TSEN15: variants seen among roughly 807,000 people sequenced by gnomAD.
TSEN15 encodes the protein tRNA-splicing endonuclease subunit Sen15.
Under a neutral mutation model 20.5 loss-of-function variants are expected in TSEN15, and 10 were observed. The ratio of observed to expected loss-of-function variants is 0.49; its 90% CI spans 0.30 to 0.83. TSEN15 has a LOEUF of 0.83. Among genes scored for constraint, TSEN15 ranks in the 40% least tolerant of loss-of-function variants. The pLI is 0.06. For missense variants in TSEN15, 180 were observed against 218.6 expected (o/e 0.82, Z 1.11); for synonymous variants, 72 against 80.1 (o/e 0.90, Z 0.54).
At chr1:184,074,388 C>A (rs1412495191), downstream of TSEN15, among the ~76,000 whole-genome samples, 1 of 152,140 alleles carries the variant, frequency 6.6e-6, no homozygotes, top group Non-Finnish European at 1.5e-5. Flanking sequence ...GGGCTCCAGT[C>A]TCATCTGAGA....
At chr1:184,064,053 G>T (rs1488994021) in intron 3 of TSEN15, among the ~76,000 whole-genome samples, 1 of 151,836 alleles carries the variant, frequency 6.6e-6, no homozygotes, top group East Asian at 1.9e-4. Flanking sequence ...TGGCTGCCTG[G>T]GCTCATCGGG....
intron 3 of TSEN15, among the ~76,000 whole-genome samples, chr1:184,062,107 AT>A (rs544615447): frequency 7.1e-4 from 108 of 152,298 alleles, no homozygotes; most frequent in Middle Eastern, 3.4e-3. Context: ...ATTTCTGATT[AT>A]CTAGTGGGAA....
Position 184,051,802 on chromosome 1 carries a change from TG to T in TSEN15, c.50del (p.Gly17ValfsTer31). The T allele has an allele frequency of 6.5e-7, 1 of 1,532,366 alleles. No homozygotes were observed. The allele number at this position is 1,532,366 out of a possible 1,614,324, so 94.9% of individuals were successfully genotyped here. ...GAGCCGACCCCCGGCTGCAGCGGCC[TG>T]GGTCCGGGCGGTGTTCGCGGCTTTG... Reference protein sequence around the residue: ...DSEPTPGCSGLGPGGVRGFGD... With the variant: ...DSEPTPGCSGXGPGGVRGFGD... On this transcript the variant is annotated frameshift_variant, in exon 1 of 5. Coordinates refer to ENST00000645668, the MANE Select transcript of TSEN15 (RefSeq NM_052965.4). LOFTEE classifies it high-confidence loss of function.
chr1:184,060,818 A>G (rs1650426501), intron 3 of TSEN15, among the ~76,000 whole-genome samples: 1 of 152,186 alleles, frequency 6.6e-6, no homozygotes, highest in Non-Finnish European at 1.5e-5. Context: ...CTCTTGCTTT[A>G]TTGGTTTTTA....
At chr1:184,091,776 C>A (rs960905902) in intron 3 of TSEN15, among the ~76,000 whole-genome samples, 1 of 152,166 alleles carries the variant, frequency 6.6e-6, no homozygotes, top group South Asian at 2.1e-4. Flanking sequence ...AGACAGCTAC[C>A]TGTCACCCAG....
chr1:184,054,685 G>A (rs772267422), intron 2 of TSEN15, 43 bp from the exon 3 acceptor site: 2 of 1,584,738 alleles, frequency 1.3e-6, no homozygotes, highest in Admixed American at 3.6e-5. Context: ...TTTATTTTTT[G>A]TATTTAATAA....
intron 3 of TSEN15, among the ~76,000 whole-genome samples, chr1:184,091,699 A>G (rs534051671): frequency 7.2e-5 from 11 of 152,230 alleles, no homozygotes; most frequent in African/African-American, 2.6e-4. Context: ...CAGAAAACAA[A>G]GAGCCCCTAG....
chr1:184,069,397 C>A (rs895499697), intron 3 of TSEN15, among the ~76,000 whole-genome samples: 1 of 151,962 alleles, frequency 6.6e-6, no homozygotes, highest in Non-Finnish European at 1.5e-5. Context: ...AGAATTTTAT[C>A]GTTTATTGTT....
At position 184,074,046 on chromosome 1, in the gene TSEN15, G is replaced by C. The variant is rs1471839246; in HGVS notation, c.*1199G>C. On this transcript the variant is annotated 3_prime_UTR_variant, in exon 5 of 5. Transcript: ENST00000645668. ...TTGCAAGACGGAAAAGTGTATAAGT[G>C]GGTGTAATCATGGCTGAAATAACAG... The C allele has an allele frequency of 6.6e-6, 1 of 152,124 alleles. No homozygotes were observed. The highest frequency in any genetic ancestry group is 1.5e-5 in the Non-Finnish European group (1 of 68,026). The allele number at this position is 152,124 out of a possible 1,614,324, so 9.4% of individuals were successfully genotyped here.
rs143212168 is a variant in TSEN15, at chr1:184,089,644, G to GA, written c.354-6043dup. ...GTAGATCTCATATTTAATAATAAAT[G>GA]AAATATCAAAATCATTCATGAGGGT... is the stretch of plus-strand genomic sequence containing the variant. On this transcript the variant is annotated intron_variant, in intron 3 of 3. Coordinates refer to the TSEN15 transcript ENST00000643231. 4.7e-3 allele frequency among the ~76,000 whole-genome samples: 718 copies of GA among 151,926 alleles called. 27 individuals carry two copies. The East Asian group carries it at 0.08, about 17-fold the overall frequency.
intron 3 of TSEN15, among the ~76,000 whole-genome samples, chr1:184,088,859 C>T (rs76541192): frequency 0.016 from 2,434 of 152,272 alleles, 31 homozygotes; most frequent in Non-Finnish European, 0.023. Context: ...TGAGACCCTT[C>T]CCTCTTTTAC....
chr1:184,059,728 G>A (rs1650377989), intron 3 of TSEN15, among the ~76,000 whole-genome samples: 1 of 152,066 alleles, frequency 6.6e-6, no homozygotes. Flanking sequence ...GCACTACCAT[G>A]CCCAACTAAT....
At chr1:184,085,836 G>A (rs1310582211) in intron 3 of TSEN15, among the ~76,000 whole-genome samples, 1 of 152,270 alleles carries the variant, frequency 6.6e-6, no homozygotes, top group East Asian at 1.9e-4. Context: ...GTCAAGTTCA[G>A]TACTAGTCAA....
intron 3 of TSEN15, among the ~76,000 whole-genome samples, chr1:184,083,751 A>T (rs1398066410): frequency 6.6e-6 from 1 of 152,190 alleles, no homozygotes; most frequent in East Asian, 1.9e-4. Context: ...AAATGAATAG[A>T]ATTCATCCAC....
intron 3 of TSEN15, among the ~76,000 whole-genome samples, chr1:184,091,176 G>T (rs1447932927): frequency 6.6e-6 from 1 of 152,092 alleles, no homozygotes; most frequent in East Asian, 1.9e-4. Flanking sequence ...CAGTCTCAAA[G>T]CACATGTATC....
chr1:184,089,971 G>T (rs1651330247), intron 3 of TSEN15, among the ~76,000 whole-genome samples: 1 of 152,176 alleles, frequency 6.6e-6, no homozygotes, highest in Non-Finnish European at 1.5e-5. Flanking sequence ...CCAGTAGAAT[G>T]GTTGCTGCCC....
chr1:184,085,375 T>C (rs933023816), intron 3 of TSEN15, among the ~76,000 whole-genome samples: 3 of 152,240 alleles, frequency 2.0e-5, no homozygotes, highest in African/African-American at 4.8e-5. Context: ...AAGGACCTTA[T>C]TTTGTTCCCT....
In TSEN15 at chr1:184,072,991, A is replaced by G; in HGVS notation, c.*144A>G. 1.4e-6 allele frequency: 1 copy of G among 737,476 alleles called. No homozygotes were observed. The highest frequency in any genetic ancestry group is 1.9e-5 in the South Asian group (1 of 52,096). 45.7% of individuals were successfully genotyped at this position (737,476 alleles called of 1,614,324 possible). ...ATTCCATAAGGTTTTCATTCTGAAG[A>G]GTAAAACTTCCCCAGGTAGAAGACT... On this transcript the variant is annotated 3_prime_UTR_variant, in exon 5 of 5. Transcript: ENST00000645668.
intron 3 of TSEN15, among the ~76,000 whole-genome samples, chr1:184,089,716 G>C (rs1248982281): frequency 1.3e-5 from 2 of 151,684 alleles, no homozygotes; most frequent in African/African-American, 4.8e-5. Flanking sequence ...AGTGCTCAAA[G>C]TTAAACATTA....
Sources: gnomAD v4.1 joint callset for allele counts (sites outside exome capture counted in the v4.1 genomes callset) on GRCh38, gnomAD v4.1.1 for gene constraint, MANE v1.5 for transcripts, NCBI Gene and HGNC (gene_info 2026-07-23, HGNC 2026-07-21) for gene names.